Variants in ATP8A2 observed in about 807,000 individuals in gnomAD.
The protein encoded by ATP8A2 is phospholipid-transporting ATPase IB.
In ATP8A2, 100 loss-of-function variants were observed where a neutral mutation model predicts 165.6. That is an observed-to-expected ratio of 0.60 (90% CI 0.51 to 0.71). ATP8A2 has a LOEUF of 0.71. ATP8A2 is among the 30% of genes least tolerant of loss of function. ATP8A2 has a pLI of 0.00. For synonymous variants in ATP8A2, 543 were observed against 548.8 expected (o/e 0.99, Z 0.15); for missense variants, 1,227 against 1,479.5 (o/e 0.83, Z 2.80).
chr13:25,561,779 G>C (rs950592337), intron 15 of ATP8A2, among the ~76,000 whole-genome samples: 1 of 152,034 alleles, frequency 6.6e-6, no homozygotes, highest in Non-Finnish European at 1.5e-5. Flanking sequence ...ATTCTTCATT[G>C]CTGCCTGCCT....
chr13:25,531,317 TTATATATGATA>T (rs2038068501), intron 4 of ATP8A2, among the ~76,000 whole-genome samples: 1 of 124,742 alleles, frequency 8.0e-6, no homozygotes, highest in African/African-American at 3.3e-5. Context: ...GATATATATG[TTATATATGATA>T]TATATATGTT....
intron 27 of ATP8A2, among the ~76,000 whole-genome samples, chr13:25,796,392 T>G (rs770231359): frequency 2.6e-5 from 4 of 152,186 alleles, no homozygotes; most frequent in Non-Finnish European, 4.4e-5. Flanking sequence ...AAGGCAGGTG[T>G]GTGTTGTTTA....
chr13:25,536,386 G>A (rs2137957808), intron 6 of ATP8A2, among the ~76,000 whole-genome samples: 1 of 152,212 alleles, frequency 6.6e-6, no homozygotes, highest in East Asian at 1.9e-4. Flanking sequence ...AAAGTGTTGG[G>A]ATTATAGGCG....
intron 33 of ATP8A2, among the ~76,000 whole-genome samples, chr13:25,931,180 G>A (rs752158252): frequency 5.7e-4 from 87 of 152,250 alleles, no homozygotes; most frequent in Non-Finnish European, 1.1e-3. Context: ...GTGCTGAGTC[G>A]CAGCCAAAAC....
chr13:25,605,015 C>T (rs2040479932), intron 24 of ATP8A2, among the ~76,000 whole-genome samples: 1 of 152,140 alleles, frequency 6.6e-6, no homozygotes, highest in African/African-American at 2.4e-5. Flanking sequence ...TTACATGGTG[C>T]ATCATAAAGG....
At chr13:25,738,707 G>A (rs1215330075) in intron 25 of ATP8A2, among the ~76,000 whole-genome samples, 1 of 152,360 alleles carries the variant, frequency 6.6e-6, no homozygotes, top group East Asian at 1.9e-4. Flanking sequence ...GGAATCAAGG[G>A]CACATGCCAC....
intron 35 of ATP8A2, among the ~76,000 whole-genome samples, chr13:25,968,921 CAT>C (rs35574383): frequency 0.085 from 12,995 of 152,160 alleles, 684 homozygotes; most frequent in South Asian, 0.21. Flanking sequence ...CAAAACAACT[CAT>C]GTGCAGAAAA....
At chr13:25,848,172 C>G (rs116673901) in intron 30 of ATP8A2, among the ~76,000 whole-genome samples, 1 of 152,206 alleles carries the variant, frequency 6.6e-6, no homozygotes, top group East Asian at 1.9e-4. Context: ...TCTGTGAGTA[C>G]GAACTTCTGC....
intron 25 of ATP8A2, among the ~76,000 whole-genome samples, chr13:25,738,646 C>T (rs2043839933): frequency 6.6e-6 from 1 of 152,240 alleles, no homozygotes; most frequent in South Asian, 2.1e-4. Flanking sequence ...TGGCTTGCTT[C>T]TGCTCACAGT....
intron 24 of ATP8A2, among the ~76,000 whole-genome samples, chr13:25,607,133 TTAAC>T (rs2040537891): frequency 1.3e-5 from 2 of 152,246 alleles, no homozygotes; most frequent in African/African-American, 2.4e-5. Flanking sequence ...TTATGAAAAT[TTAAC>T]TAATGCCCGA....
At chr13:25,819,408 C>T (rs1951108575) in intron 27 of ATP8A2, among the ~76,000 whole-genome samples, 1 of 152,116 alleles carries the variant, frequency 6.6e-6, no homozygotes, top group Admixed American at 6.5e-5. Flanking sequence ...TCTAGGGTGT[C>T]TTACTACTAC....
chr13:25,569,525 C>T (rs997371675), intron 16 of ATP8A2, among the ~76,000 whole-genome samples: 3 of 152,180 alleles, frequency 2.0e-5, no homozygotes, highest in African/African-American at 7.2e-5. Flanking sequence ...TGCACTAGAA[C>T]ACTGACATTA....
chr13:25,435,274 C>T (rs1055440266), intron 1 of ATP8A2, among the ~76,000 whole-genome samples: 1 of 152,028 alleles, frequency 6.6e-6, no homozygotes, highest in African/African-American at 2.4e-5. Flanking sequence ...GCACCCACCA[C>T]CATACCTGGC....
At chr13:25,835,444 G>A (rs1452401513) in intron 28 of ATP8A2, among the ~76,000 whole-genome samples, 1 of 152,078 alleles carries the variant, frequency 6.6e-6, no homozygotes, top group Non-Finnish European at 1.5e-5. Flanking sequence ...ATAGACTTGG[G>A]AACAGCTTCC....
chr13:25,805,893 T>C (rs1471384046), intron 27 of ATP8A2, among the ~76,000 whole-genome samples: 1 of 152,094 alleles, frequency 6.6e-6, no homozygotes, highest in Non-Finnish European at 1.5e-5. Context: ...TAATTCATGG[T>C]AGGTATATCC....
chr13:25,832,646 CCA>C (rs1438967534), intron 28 of ATP8A2, among the ~76,000 whole-genome samples: 4 of 152,124 alleles, frequency 2.6e-5, no homozygotes, highest in African/African-American at 9.7e-5. Context: ...AATTCAGCTG[CCA>C]TTCCCAAAAT....
At chr13:25,429,408 T>G in intron 1 of ATP8A2, among the ~76,000 whole-genome samples, 1 of 144,472 alleles carries the variant, frequency 6.9e-6, no homozygotes, top group African/African-American at 2.6e-5. Flanking sequence ...AAAGAAGTAA[T>G]CTTGCATGTT....
chr13:25,586,559 G>A (rs1057399290), intron 23 of ATP8A2, among the ~76,000 whole-genome samples: 4 of 152,194 alleles, frequency 2.6e-5, no homozygotes, highest in Non-Finnish European at 5.9e-5. Context: ...TTAAAAGACC[G>A]TCTTTTGTCA....
chr13:25,892,478 G>GTCTCTCTGTCTCTCTGTCTCTCTC (rs1555286135), intron 33 of ATP8A2, among the ~76,000 whole-genome samples: 1 of 136,178 alleles, frequency 7.3e-6, no homozygotes, highest in South Asian at 2.3e-4. Context: ...CTGTCTCTCT[G>GTCTCTCTGTCTCTCTGTCTCTCTC]TCTCTCTCTC....
Sources: gnomAD v4.1 joint callset for allele counts (sites outside exome capture counted in the v4.1 genomes callset) on GRCh38, gnomAD v4.1.1 for gene constraint, MANE v1.5 for transcripts, NCBI Gene and HGNC (gene_info 2026-07-23, HGNC 2026-07-21) for gene names.